NARS2: variants seen among roughly 807,000 people sequenced by gnomAD.
NARS2 encodes asparaginyl-tRNA synthetase.
Under a neutral mutation model 62.9 loss-of-function variants are expected in NARS2, and 60 were observed. The observed-to-expected ratio is 0.95, with a 90% CI of 0.77 to 1.18. The LOEUF is 1.18. Among genes scored for constraint, NARS2 ranks in the 50% most tolerant of loss-of-function variants. NARS2 has a pLI of 0.00. For synonymous variants in NARS2, 196 were observed against 200.0 expected, an observed-to-expected ratio of 0.98 and a Z score of 0.17; for missense variants, 619 against 576.4, an observed-to-expected ratio of 1.07 and a Z score of -0.76.
Position 78,436,415 on chromosome 11 carries a change from T to C in NARS2, c.*255A>G, listed in dbSNP as rs574998770. ...TTTGAGACTAATTCAATTTCTTCAT[T>C]TCTTAATTGAGGTAATGGATTTGAG... On this transcript the variant is annotated 3_prime_UTR_variant, in exon 14 of 14. Transcript: ENST00000281038. 2.6e-6 allele frequency: 1 copy of C among 380,594 alleles called. No homozygotes were observed. Among genetic ancestry groups the C allele is most frequent in the South Asian group, 4.8e-5 (1 of 20,954 alleles). 23.6% of individuals were successfully genotyped at this position (380,594 alleles called of 1,614,324 possible).
chr11:78,523,321 C>T (rs1437757401), intron 6 of NARS2, among the ~76,000 whole-genome samples: 1 of 152,134 alleles, frequency 6.6e-6, no homozygotes, highest in Non-Finnish European at 1.5e-5. Context: ...CAATAATAAG[C>T]ATTTGCAAGG....
chr11:78,449,550 A>G (rs555618210), intron 11 of NARS2, among the ~76,000 whole-genome samples: 1 of 152,312 alleles, frequency 6.6e-6, no homozygotes, highest in Non-Finnish European at 1.5e-5. Flanking sequence ...GTTATACACA[A>G]CTATTGCTGC....
intron 5 of NARS2, among the ~76,000 whole-genome samples, chr11:78,553,991 T>C (rs896879641): frequency 4.6e-5 from 7 of 152,198 alleles, no homozygotes; most frequent in African/African-American, 9.6e-5. Context: ...ATTTATTAAA[T>C]AGGGAGTCTT....
At chr11:78,543,838 C>T (rs1029021153) in intron 5 of NARS2, among the ~76,000 whole-genome samples, 7 of 151,978 alleles carry the variant, frequency 4.6e-5, no homozygotes, top group African/African-American at 1.7e-4. Flanking sequence ...TGAGACCATC[C>T]TGGCCGACAT....
intron 6 of NARS2, among the ~76,000 whole-genome samples, chr11:78,503,991 T>C (rs372586736): frequency 9.8e-5 from 15 of 152,334 alleles, no homozygotes; most frequent in African/African-American, 3.6e-4. Context: ...GTTGAACTAT[T>C]TGAACCGTTA....
chr11:78,516,578 T>C (rs1467388650), intron 6 of NARS2, among the ~76,000 whole-genome samples: 1 of 152,228 alleles, frequency 6.6e-6, no homozygotes, highest in Non-Finnish European at 1.5e-5. Flanking sequence ...TGAAATTATA[T>C]CTGTCTTGTT....
At chr11:78,469,416 G>C (rs1858771555) in intron 9 of NARS2, 103 bp from the exon 10 acceptor site, 2 of 776,736 alleles carry the variant, frequency 2.6e-6, no homozygotes, top group East Asian at 5.3e-5. Flanking sequence ...CACACTGTGA[G>C]GTCATGAATA....
At chr11:78,541,414 C>T (rs1442039818) in intron 5 of NARS2, among the ~76,000 whole-genome samples, 2 of 151,924 alleles carry the variant, frequency 1.3e-5, no homozygotes, top group Admixed American at 6.6e-5. Context: ...ATCCTCTCAC[C>T]TCTGCCTTCC....
chr11:78,542,275 G>A (rs1417549153), intron 5 of NARS2, among the ~76,000 whole-genome samples: 6 of 152,176 alleles, frequency 3.9e-5, no homozygotes, highest in African/African-American at 7.2e-5. Flanking sequence ...GAAAAGACGC[G>A]TGGAGTCTAA....
intron 4 of NARS2, among the ~76,000 whole-genome samples, chr11:78,565,761 G>C (rs933951449): frequency 1.3e-5 from 2 of 152,194 alleles, no homozygotes; most frequent in Non-Finnish European, 2.9e-5. Flanking sequence ...CCACAAACTA[G>C]AAAAACTCAT....
intron 6 of NARS2, among the ~76,000 whole-genome samples, chr11:78,520,460 A>AT (rs1221529908): frequency 6.6e-6 from 1 of 152,248 alleles, no homozygotes; most frequent in Non-Finnish European, 1.5e-5. Flanking sequence ...CCAGTATGAC[A>AT]TCATCTTAGC....
intron 12 of NARS2, among the ~76,000 whole-genome samples, chr11:78,441,343 G>A (rs189892862): frequency 5.0e-4 from 76 of 152,288 alleles, no homozygotes; most frequent in African/African-American, 1.6e-3. Flanking sequence ...AAATGTTATA[G>A]AAAGAAAATA....
At chr11:78,477,024 G>C (rs975672441) in intron 9 of NARS2, among the ~76,000 whole-genome samples, 1 of 152,178 alleles carries the variant, frequency 6.6e-6, no homozygotes. Flanking sequence ...AAGATAAAAT[G>C]AGCTACTGAT....
In NARS2 at chr11:78,480,619, T is replaced by TAAAAA. The variant is rs10623671; in HGVS notation, c.823-1941_823-1937dup. ...CAACCAACATGTATATCTAATTAAG[T>TAAAAA]AAAAAAAAAAAAAAATTGGTGAGCA... On this transcript the variant is annotated intron_variant, in intron 7 of 13. Transcript: ENST00000281038. Among the ~76,000 whole-genome samples the TAAAAA allele has an allele frequency of 6.1e-3, 761 of 124,860 alleles. 8 individuals carry two copies. Among genetic ancestry groups the TAAAAA allele is most frequent in the African/African-American group, 0.02 (726 of 36,532 alleles). The allele number at this position is 124,860 out of a possible 152,430, so 81.9% of individuals were successfully genotyped here.
chr11:78,499,197 T>G (rs938003302), intron 6 of NARS2, among the ~76,000 whole-genome samples: 6 of 152,080 alleles, frequency 3.9e-5, no homozygotes, highest in Non-Finnish European at 8.8e-5. Context: ...ATTACAGGCG[T>G]GAGCCACCGC....
intron 11 of NARS2, among the ~76,000 whole-genome samples, chr11:78,445,393 G>A (rs571756572): frequency 6.6e-6 from 1 of 152,328 alleles, no homozygotes; most frequent in African/African-American, 2.4e-5. Flanking sequence ...GGCCGAGGTG[G>A]GCGGATCACC....
chr11:78,551,723 C>T (rs1484568459), intron 5 of NARS2, among the ~76,000 whole-genome samples: 1 of 151,752 alleles, frequency 6.6e-6, no homozygotes, highest in Non-Finnish European at 1.5e-5. Context: ...TGGTGGCAGG[C>T]GCCTGTAATC....
At chr11:78,499,591 A>G (rs753488061) in intron 6 of NARS2, among the ~76,000 whole-genome samples, 2 of 152,236 alleles carry the variant, frequency 1.3e-5, no homozygotes, top group Non-Finnish European at 2.9e-5. Context: ...AAACTGTCAC[A>G]TATTTTTGCT....
At chr11:78,537,256 G>A (rs561160450) in intron 5 of NARS2, among the ~76,000 whole-genome samples, 2 of 152,184 alleles carry the variant, frequency 1.3e-5, no homozygotes, top group Non-Finnish European at 2.9e-5. Context: ...AAATGTGCAT[G>A]TGGATACAAA....
Sources: gnomAD v4.1 joint callset for allele counts (sites outside exome capture counted in the v4.1 genomes callset) on GRCh38, gnomAD v4.1.1 for gene constraint, MANE v1.5 for transcripts, NCBI Gene and HGNC (gene_info 2026-07-23, HGNC 2026-07-21) for gene names.